KLHL32: variants seen among roughly 807,000 people sequenced by gnomAD.
The protein encoded by KLHL32 is kelch-like protein 32.
A neutral mutation model predicts 64.8 loss-of-function variants in KLHL32; 35 were observed. The ratio of observed to expected loss-of-function variants is 0.54; its 90% confidence interval spans 0.41 to 0.72. The LOEUF is 0.72. Among genes scored for constraint, KLHL32 ranks in the 30% least tolerant of loss-of-function variants. The pLI, the probability that KLHL32 is intolerant of heterozygous loss-of-function variation, is 0.00. For synonymous variants in KLHL32, 259 were observed against 281.0 expected, an observed-to-expected ratio of 0.92 and a Z score of 0.78; for missense variants, 589 against 768.5, an observed-to-expected ratio of 0.77 and a Z score of 2.76.
At chr6:96,925,640 C>T (rs1459092529) in intron 1 of KLHL32, among the ~76,000 whole-genome samples, 1 of 152,136 alleles carries the variant, frequency 6.6e-6, no homozygotes, top group Non-Finnish European at 1.5e-5. Context: ...AAATTAAAAG[C>T]AGATGATTTA....
At chr6:97,027,161 C>CA (rs59057028) in intron 3 of KLHL32, among the ~76,000 whole-genome samples, 11,066 of 110,450 alleles carry the variant, frequency 0.1, 840 homozygotes, top group Admixed American at 0.24. Context: ...GATTCCCTCT[C>CA]AAAAAAAAAA....
intron 4 of KLHL32, among the ~76,000 whole-genome samples, chr6:97,064,130 T>C (rs2128153230): frequency 6.6e-6 from 1 of 152,304 alleles, no homozygotes; most frequent in South Asian, 2.1e-4. Flanking sequence ...CTTACTGTTG[T>C]AGGACTTAGA....
intron 3 of KLHL32, among the ~76,000 whole-genome samples, chr6:96,991,341 G>C (rs1262366221): frequency 6.6e-6 from 1 of 152,108 alleles, no homozygotes; most frequent in Admixed American, 6.5e-5. Flanking sequence ...TACAGGGTGG[G>C]AGCTCACAGA....
chr6:97,029,198 G>A (rs112080075), intron 3 of KLHL32, among the ~76,000 whole-genome samples: 3 of 152,258 alleles, frequency 2.0e-5, no homozygotes, highest in African/African-American at 7.2e-5. Context: ...CATTCAAGAG[G>A]AGGAGAATTC....
intron 5 of KLHL32, among the ~76,000 whole-genome samples, chr6:97,071,892 C>CT (rs1790790697): frequency 6.6e-6 from 1 of 152,216 alleles, no homozygotes; most frequent in African/African-American, 2.4e-5. Flanking sequence ...ACTGGACAAT[C>CT]TAAGTTATTT....
At chr6:97,026,171 A>G (rs1220167385) in intron 3 of KLHL32, among the ~76,000 whole-genome samples, 1 of 152,140 alleles carries the variant, frequency 6.6e-6, no homozygotes, top group African/African-American at 2.4e-5. Context: ...AAGCTTGTGG[A>G]TGATTCCTAA....
intron 8 of KLHL32, 110 bp downstream of exon 8, chr6:97,127,572 G>A: frequency 1.1e-6 from 1 of 878,686 alleles, no homozygotes; most frequent in African/African-American, 1.7e-5. Context: ...TGCATCTTTA[G>A]CTTATATAGA....
chr6:97,031,539 T>C (rs1783549215), intron 3 of KLHL32, among the ~76,000 whole-genome samples: 1 of 152,032 alleles, frequency 6.6e-6, no homozygotes, highest in East Asian at 1.9e-4. Context: ...GGTCTTCCTA[T>C]GTTGCCCAGC....
At chr6:96,947,135 G>A (rs577113098) in intron 1 of KLHL32, among the ~76,000 whole-genome samples, 3 of 152,288 alleles carry the variant, frequency 2.0e-5, no homozygotes, top group East Asian at 3.9e-4. Flanking sequence ...ATAGTAAAAT[G>A]AAACAAACAT....
chr6:96,992,569 G>T (rs956171042), intron 3 of KLHL32, among the ~76,000 whole-genome samples: 6 of 152,346 alleles, frequency 3.9e-5, no homozygotes, highest in Admixed American at 1.3e-4. Context: ...GCACATTTGT[G>T]TATGTGTGAG....
At chr6:97,119,119 C>T (rs1798104490) in intron 7 of KLHL32, among the ~76,000 whole-genome samples, 1 of 152,072 alleles carries the variant, frequency 6.6e-6, no homozygotes, top group Non-Finnish European at 1.5e-5. Context: ...TTTGACAAAC[C>T]CAGTAATCTG....
chr6:97,093,132 C>G (rs1206131), intron 6 of KLHL32, among the ~76,000 whole-genome samples: 6 of 151,088 alleles, frequency 4.0e-5, no homozygotes, highest in South Asian at 4.2e-4. Context: ...ATATTACTTA[C>G]GCATTGGTGC....
At chr6:97,099,620 C>T (rs973437467) in intron 6 of KLHL32, among the ~76,000 whole-genome samples, 1 of 152,218 alleles carries the variant, frequency 6.6e-6, no homozygotes, top group Non-Finnish European at 1.5e-5. Context: ...GCGGCTGGTT[C>T]TCCACCACAG....
At chr6:97,060,895 A>G (rs1399826054) in intron 4 of KLHL32, among the ~76,000 whole-genome samples, 1 of 152,116 alleles carries the variant, frequency 6.6e-6, no homozygotes, top group East Asian at 1.9e-4. Flanking sequence ...CCCCACCAAA[A>G]TGAGTGTAGA....
At chr6:96,900,815 T>C in the KLHL32 span, among the ~76,000 whole-genome samples, 1 of 152,172 alleles carries the variant, frequency 6.6e-6, no homozygotes, top group South Asian at 2.1e-4. Context: ...AACAGATTTA[T>C]GGAGGAATGA....
At chr6:97,132,230 C>G (rs754096994) in intron 9 of KLHL32, among the ~76,000 whole-genome samples, 39 of 152,132 alleles carry the variant, frequency 2.6e-4, no homozygotes, top group Non-Finnish European at 5.3e-4. Context: ...GCTTTATTGG[C>G]TTCTTGGGGT....
chr6:97,107,904 G>T (rs2128205207), intron 6 of KLHL32, among the ~76,000 whole-genome samples: 1 of 152,306 alleles, frequency 6.6e-6, no homozygotes, highest in South Asian at 2.1e-4. Flanking sequence ...CAAACTGTGG[G>T]TCAGGTGCTG....
At chr6:97,035,369 C>A (rs1784139233) in intron 3 of KLHL32, among the ~76,000 whole-genome samples, 1 of 152,102 alleles carries the variant, frequency 6.6e-6, no homozygotes, top group African/African-American at 2.4e-5. Context: ...AACTTACACA[C>A]CACCATTACA....
chr6:97,102,042 G>A (rs908896204), intron 6 of KLHL32, among the ~76,000 whole-genome samples: 11 of 152,144 alleles, frequency 7.2e-5, no homozygotes, highest in East Asian at 3.8e-4. Context: ...TCAGTCTTCC[G>A]TAGAACCCTA....
Sources: allele counts gnomAD v4.1 joint callset (sites outside exome capture counted in the v4.1 genomes callset), GRCh38; gene constraint gnomAD v4.1.1; transcripts MANE v1.5; gene names NCBI Gene and HGNC (gene_info 2026-07-23, HGNC 2026-07-21).